Variants in DLGAP2 observed in about 807,000 individuals in gnomAD.
DLGAP2 encodes the protein disks large-associated protein 2.
A neutral mutation model predicts 100.3 loss-of-function variants in DLGAP2; 26 were observed. The ratio of observed to expected loss-of-function variants is 0.26; its 90% CI spans 0.19 to 0.36. The LOEUF (loss-of-function observed/expected upper bound fraction) is 0.36, where lower values mean the gene tolerates loss of function less well. Among genes scored for constraint, DLGAP2 ranks in the 10% least tolerant of loss-of-function variants. The probability of loss-of-function intolerance (pLI) is 1.00; values close to 1 mark genes in which losing one functional copy is unlikely to be tolerated. For missense variants in DLGAP2, 1,858 were observed against 1,453.2 expected, an observed-to-expected ratio of 1.28 and a Z score of -4.53; for synonymous variants, 886 against 630.1, an observed-to-expected ratio of 1.41 and a Z score of -6.08.
intron 4 of DLGAP2, among the ~76,000 whole-genome samples, chr8:1,547,092 C>T (rs1801567640): frequency 6.6e-6 from 1 of 151,970 alleles, no homozygotes; most frequent in African/African-American, 2.4e-5. Flanking sequence ...GCGGCAGGAC[C>T]CGGGCAGCGA....
chr8:1,581,101 A>T (rs1803228281), intron 6 of DLGAP2, among the ~76,000 whole-genome samples: 1 of 151,776 alleles, frequency 6.6e-6, no homozygotes, highest in Middle Eastern at 3.4e-3. Context: ...AAACTACCAG[A>T]AGTGAAGGAT....
intron 2 of DLGAP2, among the ~76,000 whole-genome samples, chr8:1,077,320 T>G (rs11783410): frequency 6.6e-6 from 1 of 151,996 alleles, no homozygotes; most frequent in Admixed American, 6.5e-5. Context: ...CTTCAGCACA[T>G]GCCCCTGCAG....
chr8:1,101,514 G>A (rs1804577153), intron 2 of DLGAP2, among the ~76,000 whole-genome samples: 1 of 152,148 alleles, frequency 6.6e-6, no homozygotes, highest in Admixed American at 6.5e-5. Flanking sequence ...GGCAGACGGG[G>A]GTGCCGGGGC....
At chr8:738,687 G>GCTGGGCTGGGCTGGGCTGGA (rs1182108737) in intron 1 of DLGAP2, 1 of 152,126 alleles carries the variant, frequency 6.6e-6, no homozygotes, top group African/African-American at 2.4e-5. Flanking sequence ...GCTGGGCTGG[G>GCTGGGCTGGGCTGGGCTGGA]CTGGGCTGGG....
chr8:975,334 G>T (rs1018235235), intron 2 of DLGAP2, among the ~76,000 whole-genome samples: 2 of 152,096 alleles, frequency 1.3e-5, no homozygotes, highest in African/African-American at 4.8e-5. Flanking sequence ...AATTATTTCA[G>T]TACTCCACAA....
intron 2 of DLGAP2, among the ~76,000 whole-genome samples, chr8:1,025,872 C>T (rs552839874): frequency 1.3e-5 from 2 of 152,246 alleles, no homozygotes; most frequent in Non-Finnish European, 2.9e-5. Context: ...TGAGAAAAGA[C>T]AATATACAAA....
chr8:1,701,053 G>C, intron 14 of DLGAP2, 135 bp from the exon 15 acceptor site: 1 of 765,556 alleles, frequency 1.3e-6, no homozygotes, highest in Admixed American at 3.0e-5. Flanking sequence ...GGGCAGACGG[G>C]GGACGGGAGT....
intron 1 of DLGAP2, among the ~76,000 whole-genome samples, chr8:879,517 A>C (rs368138521): frequency 6.6e-6 from 1 of 152,144 alleles, no homozygotes; most frequent in Middle Eastern, 3.2e-3. Flanking sequence ...CTTAGGTTAG[A>C]GTCATTACCA....
In DLGAP2 at chr8:1,705,095, C is replaced by G. The variant is rs764843547; in HGVS notation, c.*3689C>G. On this transcript the variant is annotated 3_prime_UTR_variant, in exon 15 of 15. Coordinates refer to ENST00000637795, the MANE Select transcript of DLGAP2 (RefSeq NM_001346810.2). ...AATTTCACAGGAAAGTGAAGGGATA[C>G]TGCAGGCCTGTGTTTGCAGCGCCTG... is the stretch of plus-strand genomic sequence containing the variant. The G allele has an allele frequency of 6.6e-6, 1 of 152,220 alleles. No individual in the cohort carries two copies. Among genetic ancestry groups the G allele is most frequent in the Non-Finnish European group, 1.5e-5 (1 of 68,050 alleles). 9.4% of individuals were successfully genotyped at this position (152,220 alleles called of 1,614,324 possible).
chr8:993,668 A>C (rs1800694984), intron 2 of DLGAP2, among the ~76,000 whole-genome samples: 1 of 151,868 alleles, frequency 6.6e-6, no homozygotes, highest in African/African-American at 2.4e-5. Flanking sequence ...TCTGCCATTT[A>C]GCCTGAGAGG....
Position 1,330,115 on chromosome 8 carries a change from T to C in DLGAP2, c.106+71232T>C, listed in dbSNP as rs73670759. On this transcript the variant is annotated intron_variant, in intron 3 of 14. Transcript: ENST00000637795. ...TCGAGGTTTCTTTGTATCTTGCCCC[T>C]GCGAGAGGTGTGGCTGTGGGAGTGA... Among the ~76,000 whole-genome samples, 214 of 152,304 alleles carry C rather than the reference T, an allele frequency of 1.4e-3. 1 individual carries two copies. The highest frequency in any genetic ancestry group is 5.0e-3 in the African/African-American group (206 of 41,580).
intron 1 of DLGAP2, among the ~76,000 whole-genome samples, chr8:903,828 C>T (rs796578602): frequency 9.8e-5 from 15 of 152,344 alleles, no homozygotes; most frequent in African/African-American, 3.6e-4. Context: ...GTTAAGTCAC[C>T]TGACTTACGG....
At chr8:1,050,977 G>GGGGTCATTTTATGGT (rs55750684) in intron 2 of DLGAP2, among the ~76,000 whole-genome samples, 1 of 110,728 alleles carries the variant, frequency 9.0e-6, no homozygotes, top group African/African-American at 3.6e-5. Context: ...TTCGTGGGTG[G>GGGGTCATTTTATGGT]GGGTCATTTC....
chr8:1,471,363 G>T (rs141186068), intron 3 of DLGAP2, among the ~76,000 whole-genome samples: 1 of 119,072 alleles, frequency 8.4e-6, no homozygotes, highest in Admixed American at 9.4e-5. Flanking sequence ...AGCTTTTCCC[G>T]ACCCCTCCAG....
intron 1 of DLGAP2, among the ~76,000 whole-genome samples, chr8:767,464 C>T (rs1261233025): frequency 1.3e-5 from 2 of 150,512 alleles, no homozygotes; most frequent in African/African-American, 2.4e-5. Context: ...CAGGTTCAAG[C>T]GATTCTCGTG....
chr8:1,376,053 C>G (rs7816016), intron 3 of DLGAP2, among the ~76,000 whole-genome samples: 1 of 105,610 alleles, frequency 9.5e-6, no homozygotes, highest in African/African-American at 3.9e-5. Flanking sequence ...CGACACCTCT[C>G]CACGGCCTCA....
intron 4 of DLGAP2, among the ~76,000 whole-genome samples, chr8:1,519,618 C>G (rs1800517642): frequency 6.6e-6 from 1 of 152,248 alleles, no homozygotes; most frequent in Non-Finnish European, 1.5e-5. Context: ...ATGCACCTTC[C>G]CCATGGACAC....
rs367619218 is a variant in DLGAP2, at chr8:1,118,549, G to GGCTGCTGCTGCTGCTGCT, written c.74-140298_74-140281dup. ...AAACTGTGCGAATAGAAATGAATGG[G>GGCTGCTGCTGCTGCTGCT]GCTGCTGCTGCTGCTGCTGCTTTCT... On this transcript the variant is annotated intron_variant, in intron 2 of 14. Transcript: ENST00000637795. Among the ~76,000 whole-genome samples, 308 of 151,698 alleles carry GGCTGCTGCTGCTGCTGCT rather than the reference G, an allele frequency of 2.0e-3. 4 individuals are homozygous for GGCTGCTGCTGCTGCTGCT. The highest frequency in any genetic ancestry group is 3.4e-3 in the Admixed American group (52 of 15,198).
intron 2 of DLGAP2, among the ~76,000 whole-genome samples, chr8:1,234,648 T>G (rs551109319): frequency 6.6e-6 from 1 of 152,306 alleles, no homozygotes; most frequent in African/African-American, 2.4e-5. Context: ...TAATCCCGTC[T>G]CTGGAACAGA....
Sources: gnomAD v4.1 joint callset for allele counts (sites outside exome capture counted in the v4.1 genomes callset) on GRCh38, gnomAD v4.1.1 for gene constraint, MANE v1.5 for transcripts, NCBI Gene and HGNC (gene_info 2026-07-23, HGNC 2026-07-21) for gene names.